The following MALRD1 variants were observed in gnomAD, a reference collection of about 807,000 sequenced individuals.
The protein encoded by MALRD1 is MAM and LDL-receptor class A domain-containing protein 1.
MALRD1 carries 247 observed loss-of-function variants against 242.1 expected under a neutral mutation model. That is an observed-to-expected ratio of 1.02 (90% CI 0.92 to 1.13). MALRD1 has a LOEUF of 1.13. Ranked by LOEUF, MALRD1 falls within the 50% of genes most tolerant of loss-of-function variation. The pLI, the probability that MALRD1 is intolerant of heterozygous loss-of-function variation, is 0.00. For missense variants in MALRD1, 2,989 were observed against 2,533.1 expected, an observed-to-expected ratio of 1.18 and a Z score of -3.86; for synonymous variants, 995 against 866.6, an observed-to-expected ratio of 1.15 and a Z score of -2.60.
chr10:19,513,670 C>T (rs1342444612), intron 31 of MALRD1, among the ~76,000 whole-genome samples: 3 of 151,628 alleles, frequency 2.0e-5, no homozygotes, highest in East Asian at 1.9e-4. Context: ...ACCCGGGAGG[C>T]GGCGGTTGCA....
intron 29 of MALRD1, among the ~76,000 whole-genome samples, chr10:19,452,556 A>G (rs1835389176): frequency 6.6e-6 from 1 of 152,248 alleles, no homozygotes; most frequent in South Asian, 2.1e-4. Context: ...CCAGCCATCT[A>G]CAATTAACAA....
chr10:19,422,453 C>A (rs1211783067), intron 28 of MALRD1, among the ~76,000 whole-genome samples: 1 of 151,846 alleles, frequency 6.6e-6, no homozygotes, highest in Non-Finnish European at 1.5e-5. Context: ...TGGTATAAAA[C>A]CTGAAGGCTA....
chr10:19,464,115 C>T (rs1438957997), intron 29 of MALRD1, among the ~76,000 whole-genome samples: 1 of 152,040 alleles, frequency 6.6e-6, no homozygotes, highest in Non-Finnish European at 1.5e-5. Context: ...GGATATTAGT[C>T]CTTTGTCAGA....
intron 18 of MALRD1, among the ~76,000 whole-genome samples, chr10:19,215,650 G>A (rs1837276904): frequency 6.6e-6 from 1 of 151,932 alleles, no homozygotes; most frequent in South Asian, 2.1e-4. Flanking sequence ...TCTGCTAGGG[G>A]CTCTTTTCAA....
chr10:19,622,600 T>C (rs1218704845), intron 36 of MALRD1, among the ~76,000 whole-genome samples: 1 of 151,490 alleles, frequency 6.6e-6, no homozygotes, highest in East Asian at 1.9e-4. Flanking sequence ...CAATTAGATA[T>C]TGCATTCGTA....
At chr10:19,149,514 CAGAT>C (rs975270348) in intron 11 of MALRD1, among the ~76,000 whole-genome samples, 17 of 152,180 alleles carry the variant, frequency 1.1e-4, no homozygotes, top group African/African-American at 3.6e-4. Flanking sequence ...TAGTCACACA[CAGAT>C]ATATATATAG....
chr10:19,728,730 A>G (rs1408064278), intron 38 of MALRD1, among the ~76,000 whole-genome samples: 2 of 151,882 alleles, frequency 1.3e-5, no homozygotes, highest in East Asian at 3.9e-4. Flanking sequence ...CCCTACTTCC[A>G]TGTCCAATTT....
chr10:19,421,311 G>A (rs1219203636), intron 28 of MALRD1, among the ~76,000 whole-genome samples: 3 of 152,164 alleles, frequency 2.0e-5, no homozygotes, highest in Non-Finnish European at 4.4e-5. Flanking sequence ...TTTGAACCCT[G>A]GCTTTCCAAT....
chr10:19,646,617 A>T (rs538988997), intron 36 of MALRD1, among the ~76,000 whole-genome samples: 14 of 152,204 alleles, frequency 9.2e-5, no homozygotes, highest in South Asian at 4.2e-4. Flanking sequence ...GAAAAAAAAA[A>T]AATAATAAGT....
chr10:19,424,505 C>T (rs1328754526), intron 28 of MALRD1, among the ~76,000 whole-genome samples: 2 of 152,054 alleles, frequency 1.3e-5, no homozygotes, highest in African/African-American at 4.8e-5. Context: ...AGTTCTAAAA[C>T]AATATTTAAA....
intron 29 of MALRD1, chr10:19,489,417 G>T: frequency 1.8e-6 from 1 of 566,532 alleles, no homozygotes. Flanking sequence ...TATGTACCAT[G>T]TCTTATCAGT....
chr10:19,315,062 T>TAAATATGTAAATATAATTTATAG (rs1350708534), intron 21 of MALRD1, among the ~76,000 whole-genome samples: 7 of 127,208 alleles, frequency 5.5e-5, no homozygotes, highest in East Asian at 2.2e-4. Context: ...ATAATTTATA[T>TAAATATGTAAATATAATTTATAG]AAATATGTAA....
At chr10:19,723,950 CAG>C (rs1416503686) in intron 38 of MALRD1, among the ~76,000 whole-genome samples, 1 of 151,280 alleles carries the variant, frequency 6.6e-6, no homozygotes, top group Non-Finnish European at 1.5e-5. Flanking sequence ...CCCAGCAACT[CAG>C]GGGGCTGAGG....
intron 14 of MALRD1, among the ~76,000 whole-genome samples, chr10:19,186,216 C>T (rs1835731153): frequency 6.6e-6 from 1 of 152,140 alleles, no homozygotes; most frequent in African/African-American, 2.4e-5. Context: ...CCATTCTCTT[C>T]TCATTGTCCT....
rs35279728 is a variant in MALRD1 at position 19,729,721 on chromosome 10, C to CTTTTTTTT, written c.6315-959_6315-952dup. Among the ~76,000 whole-genome samples, 142 of 40,742 alleles carry CTTTTTTTT rather than the reference C, an allele frequency of 3.5e-3. 12 individuals carry two copies. The highest frequency in any genetic ancestry group is 4.1e-3 in the Non-Finnish European group (99 of 24,108). The allele number at this position is 40,742 out of a possible 152,430, so 26.7% of individuals were successfully genotyped here. A position where few individuals can be genotyped will look rare whatever the true frequency, so the allele number is the denominator to read the frequency against. On this transcript the variant is annotated intron_variant, in intron 38 of 39. Coordinates refer to ENST00000454679, the MANE Select transcript of MALRD1 (RefSeq NM_001142308.3). ...GTGTCTTCTAATAAGTCTATTAATT[C>CTTTTTTTT]TTTTTTTTTTTTTTTTTTTTTTTTT...
chr10:19,079,492 G>T (rs1443875865), intron 2 of MALRD1, among the ~76,000 whole-genome samples: 1 of 151,808 alleles, frequency 6.6e-6, no homozygotes, highest in East Asian at 1.9e-4. Context: ...TATCTGTTAG[G>T]TCTAGTTGGT....
rs1845485659 is a variant in MALRD1 at position 19,373,714 on chromosome 10, C to G, written c.4442-13814C>G. ...TGTGCTATTCTTCACTTTACATTGTCCTTGAATCCATAGGCAAGACATAAC... is the reference window on the plus strand; with the variant it reads ...TGTGCTATTCTTCACTTTACATTGTGCTTGAATCCATAGGCAAGACATAAC... On this transcript the variant is annotated intron_variant, in intron 26 of 39. Transcript: ENST00000454679. Among the ~76,000 whole-genome samples, 3 of 152,234 alleles carry G rather than the reference C, an allele frequency of 2.0e-5. No individual in the cohort carries two copies. The South Asian group carries it at 6.2e-4, about 32-fold the overall frequency.
chr10:19,579,709 G>C (rs905058192), intron 33 of MALRD1, among the ~76,000 whole-genome samples: 1 of 152,170 alleles, frequency 6.6e-6, no homozygotes, highest in African/African-American at 2.4e-5. Flanking sequence ...TCAGGTGTCA[G>C]TTTGTTGAAT....
At chr10:19,549,291 A>G (rs1835379479) in intron 32 of MALRD1, among the ~76,000 whole-genome samples, 3 of 152,226 alleles carry the variant, frequency 2.0e-5, no homozygotes, top group African/African-American at 7.2e-5. Flanking sequence ...AAGCCGCAGC[A>G]GGTTGGAGGA....
Sources: allele counts gnomAD v4.1 joint callset (sites outside exome capture counted in the v4.1 genomes callset), GRCh38; gene constraint gnomAD v4.1.1; transcripts MANE v1.5; gene names NCBI Gene and HGNC (gene_info 2026-07-23, HGNC 2026-07-21).